RBPJ: variants seen among roughly 807,000 people sequenced by gnomAD.
RBPJ encodes the protein recombining binding protein suppressor of hairless.
A neutral mutation model predicts 67.8 loss-of-function variants in RBPJ; 9 were observed. The observed-to-expected ratio is 0.13, with a 90% CI of 0.08 to 0.23. The LOEUF (loss-of-function observed/expected upper bound fraction) is 0.23. Ranked by LOEUF, RBPJ falls within the 10% of genes least tolerant of loss-of-function variation. The pLI, the probability that RBPJ is intolerant of heterozygous loss-of-function variation, is 1.00. For synonymous variants in RBPJ, 198 were observed against 203.3 expected (o/e 0.97, Z 0.22); for missense variants, 305 against 595.6 (o/e 0.51, Z 5.08).
At chr4:26,419,074 G>A (rs1199490391) in intron 4 of RBPJ, among the ~76,000 whole-genome samples, 1 of 152,180 alleles carries the variant, frequency 6.6e-6, no homozygotes, top group African/African-American at 2.4e-5. Flanking sequence ...TGCCTCCTGG[G>A]CTCAAGCGAC....
At chr4:26,131,607 T>C in the RBPJ span, among the ~76,000 whole-genome samples, 2 of 152,142 alleles carry the variant, frequency 1.3e-5, no homozygotes, top group African/African-American at 4.8e-5. Flanking sequence ...GCAGATATGA[T>C]TAAAGTAAGG....
chr4:26,416,035 A>G (rs906309961), intron 4 of RBPJ, among the ~76,000 whole-genome samples: 4 of 152,180 alleles, frequency 2.6e-5, no homozygotes, highest in Non-Finnish European at 4.4e-5. Context: ...AGACACGATG[A>G]TATATACATT....
intron 1 of RBPJ, among the ~76,000 whole-genome samples, chr4:26,348,292 T>C (rs767917309): frequency 6.6e-6 from 1 of 152,064 alleles, no homozygotes; most frequent in Non-Finnish European, 1.5e-5. Flanking sequence ...AGAAAAAATA[T>C]TCTGTGTTTG....
In RBPJ at chr4:26,336,185, C is replaced by T. The variant is rs1027570869; in HGVS notation, c.20+15137C>T. 3.3e-5 allele frequency among the ~76,000 whole-genome samples: 5 copies of T among 152,118 alleles called. 1 individual carries two copies. The highest frequency in any genetic ancestry group is 4.1e-4 in the South Asian group (2 of 4,824). The stretch of plus-strand genomic sequence containing the variant: ...TCGATGCAAAGTGAGTAAGACAGTT[C>T]GCTAGATCCCAGCTCCCAGAGATAT... On this transcript the variant is annotated intron_variant, in intron 1 of 10. Coordinates refer to ENST00000355476, the MANE Select transcript of RBPJ (RefSeq NM_015874.6).
At chr4:26,402,565 T>C (rs1005852827) in intron 2 of RBPJ, among the ~76,000 whole-genome samples, 1 of 152,232 alleles carries the variant, frequency 6.6e-6, no homozygotes, top group African/African-American at 2.4e-5. Flanking sequence ...TCTGTTAGAC[T>C]TCTTGCTGAA....
intron 3 of RBPJ, among the ~76,000 whole-genome samples, chr4:26,410,915 T>A (rs1733946598): frequency 6.6e-6 from 1 of 152,182 alleles, no homozygotes; most frequent in Admixed American, 6.5e-5. Flanking sequence ...AAAGTATTGT[T>A]TGTTATAGTT....
chr4:26,157,576 C>T, the RBPJ span, among the ~76,000 whole-genome samples: 1 of 152,132 alleles, frequency 6.6e-6, no homozygotes, highest in Non-Finnish European at 1.5e-5. Context: ...TAGATGGAAG[C>T]CAGTATAAGG....
At chr4:26,108,298 G>A in the RBPJ span, among the ~76,000 whole-genome samples, 9 of 152,178 alleles carry the variant, frequency 5.9e-5, no homozygotes, top group African/African-American at 2.2e-4. Flanking sequence ...AATTGCAGAG[G>A]TAGGCAAGAG....
At chr4:26,332,786 A>G (rs1169655515) in intron 1 of RBPJ, among the ~76,000 whole-genome samples, 1 of 152,170 alleles carries the variant, frequency 6.6e-6, no homozygotes, top group African/African-American at 2.4e-5. Flanking sequence ...AGCTAGGGCT[A>G]CAGACACTCG....
chr4:26,158,004 C>G, the RBPJ span, among the ~76,000 whole-genome samples: 1 of 152,206 alleles, frequency 6.6e-6, no homozygotes, highest in South Asian at 2.1e-4. Flanking sequence ...TAGCTGAACC[C>G]AGCCCAAATT....
At chr4:26,238,652 G>T (rs1252280897) in intron 1 of RBPJ, among the ~76,000 whole-genome samples, 1 of 152,196 alleles carries the variant, frequency 6.6e-6, no homozygotes, top group East Asian at 1.9e-4. Context: ...ACAATCAACA[G>T]AAATGAGATG....
At chr4:26,166,940 G>T (rs780027794) in intron 1 of RBPJ, among the ~76,000 whole-genome samples, 3 of 152,196 alleles carry the variant, frequency 2.0e-5, no homozygotes, top group Admixed American at 6.5e-5. Context: ...CATATGGGTA[G>T]CCAGTTTTCC....
the RBPJ span, among the ~76,000 whole-genome samples, chr4:26,130,643 C>A: frequency 1.3e-5 from 2 of 152,184 alleles, no homozygotes; most frequent in East Asian, 3.8e-4. Context: ...CCCGTAACAC[C>A]ACAGTGTTTC....
chr4:26,401,826 C>T (rs559477914), intron 2 of RBPJ, among the ~76,000 whole-genome samples: 30 of 151,662 alleles, frequency 2.0e-4, no homozygotes, highest in Admixed American at 1.3e-4. Flanking sequence ...AAATTTTGTG[C>T]CAGTTTTGTC....
intron 1 of RBPJ, among the ~76,000 whole-genome samples, chr4:26,240,760 A>G (rs1168881777): frequency 6.6e-6 from 1 of 152,096 alleles, no homozygotes; most frequent in African/African-American, 2.4e-5. Flanking sequence ...CACACAGAAG[A>G]TGTGAAAAGG....
chr4:26,233,966 CA>C (rs1254942537), intron 1 of RBPJ, among the ~76,000 whole-genome samples: 5 of 151,140 alleles, frequency 3.3e-5, no homozygotes, highest in South Asian at 2.1e-4. Flanking sequence ...GCTCATTGTA[CA>C]AAAAAAAATT....
chr4:26,187,461 A>T (rs918516193), intron 1 of RBPJ, among the ~76,000 whole-genome samples: 4 of 109,398 alleles, frequency 3.7e-5, no homozygotes, highest in Non-Finnish European at 7.6e-5. Context: ...AAAGAAAAAC[A>T]TCTTCTCGAA....
At chr4:26,139,811 T>C in the RBPJ span, among the ~76,000 whole-genome samples, 1 of 152,216 alleles carries the variant, frequency 6.6e-6, no homozygotes, top group African/African-American at 2.4e-5. Context: ...AATCAGAGGC[T>C]GTTGAATTTT....
At chr4:26,329,354 G>C (rs1201640603) in intron 1 of RBPJ, among the ~76,000 whole-genome samples, 1 of 152,154 alleles carries the variant, frequency 6.6e-6, no homozygotes, top group Non-Finnish European at 1.5e-5. Flanking sequence ...GATTGGAATT[G>C]GTGGACACCA....
Sources: gnomAD v4.1 joint callset for allele counts (sites outside exome capture counted in the v4.1 genomes callset) on GRCh38, gnomAD v4.1.1 for gene constraint, MANE v1.5 for transcripts, NCBI Gene and HGNC (gene_info 2026-07-23, HGNC 2026-07-21) for gene names.